VWA5B1: variants seen among roughly 807,000 people sequenced by gnomAD.
The protein encoded by VWA5B1 is von Willebrand factor A domain containing 5B1.
A neutral mutation model predicts 118.2 loss-of-function variants in VWA5B1; 115 were observed. That is an observed-to-expected ratio of 0.97 (90% confidence interval 0.84 to 1.14). The LOEUF is 1.14. Ranked by LOEUF, VWA5B1 falls within the 50% of genes most tolerant of loss-of-function variation. The pLI is 0.00. For missense variants in VWA5B1, 1,596 were observed against 1,603.8 expected, an observed-to-expected ratio of 1.00 and a Z score of 0.08; for synonymous variants, 682 against 658.4, an observed-to-expected ratio of 1.04 and a Z score of -0.55.
chr1:20,335,478 A>G (rs1361295945), intron 12 of VWA5B1, among the ~76,000 whole-genome samples: 3 of 152,198 alleles, frequency 2.0e-5, no homozygotes, highest in African/African-American at 7.2e-5. Flanking sequence ...TGACCCTTGA[A>G]CAATGTGGAG....
chr1:20,333,086 T>C, intron 12 of VWA5B1, 135 bp downstream of exon 12: 1 of 1,147,470 alleles, frequency 8.7e-7, no homozygotes, highest in Non-Finnish European at 1.2e-6. Flanking sequence ...TTTACAGTTT[T>C]CCCAGTTGTG....
At chr1:20,322,961 G>A (rs2089266988) in intron 7 of VWA5B1, 1 of 156,988 alleles carries the variant, frequency 6.4e-6, no homozygotes, top group Non-Finnish European at 1.4e-5. Context: ...TACACACTGA[G>A]TGTAAAAGCG....
At chr1:20,323,293 A>G (rs965023718) in intron 7 of VWA5B1, 63 bp from the exon 8 acceptor site, 3 of 1,323,462 alleles carry the variant, frequency 2.3e-6, no homozygotes, top group African/African-American at 3.1e-5. Flanking sequence ...GGGGACCAGC[A>G]TGAGTCCCCA....
chr1:20,330,291 C>T lies in VWA5B1; in HGVS notation c.1366C>T (p.His456Tyr). The change falls in exon 10 of 22, where the codon CAC becomes TAC. Residue 456 changes from histidine to tyrosine, a missense_variant. Coordinates refer to ENST00000289815, the MANE Select transcript of VWA5B1 (RefSeq NM_001039500.3). Reference sequence around the variant, plus strand: ...CATCAGGCAGCCAGTGCACCGAGGCCACCCGCGGCTCCTCTTCGTGATCAC... The same window carrying T: ...CATCAGGCAGCCAGTGCACCGAGGCTACCCGCGGCTCCTCTTCGTGATCAC... ...WVIRQPVHRG[H>Y]PRLLFVITDG... The T allele has an allele frequency of 6.4e-7, 1 of 1,551,784 alleles. No individual in the cohort carries two copies. The highest frequency in any genetic ancestry group is 8.7e-7 in the Non-Finnish European group (1 of 1,147,046).
intron 14 of VWA5B1, among the ~76,000 whole-genome samples, chr1:20,341,487 T>G (rs78324798): frequency 0.027 from 4,085 of 152,346 alleles, 164 homozygotes; most frequent in African/African-American, 0.092. Context: ...CTTAAATATT[T>G]GCCAATCTGC....
intron 4 of VWA5B1, among the ~76,000 whole-genome samples, chr1:20,315,257 A>T (rs1309422909): frequency 6.6e-6 from 1 of 152,152 alleles, no homozygotes; most frequent in Admixed American, 6.5e-5. Flanking sequence ...AGGGCCCCAG[A>T]GAAGAACAGA....
At chr1:20,293,044 T>C (rs1310534886) in intron 1 of VWA5B1, among the ~76,000 whole-genome samples, 3 of 152,208 alleles carry the variant, frequency 2.0e-5, no homozygotes, top group Admixed American at 2.0e-4. Context: ...GAAGGTGCTC[T>C]AGACACTGGC....
At chr1:20,294,781 G>C (rs1170935882) in intron 1 of VWA5B1, among the ~76,000 whole-genome samples, 2 of 152,074 alleles carry the variant, frequency 1.3e-5, no homozygotes, top group African/African-American at 2.4e-5. Flanking sequence ...TAGAGACGGG[G>C]TTTCTCCATG....
At position 20,314,315 on chromosome 1, in the gene VWA5B1, C is replaced by CGTT; in HGVS notation, c.293-7_293-6insGTT. The CGTT allele has an allele frequency of 3.2e-6, 5 of 1,551,558 alleles. No individual in the cohort carries two copies. The highest frequency in any genetic ancestry group is 4.4e-6 in the Non-Finnish European group (5 of 1,146,826). ...TGTACAGCCCCTGACGCCAGCCTGG[C>CGTT]ACTTAGGGAACATTCTGCAAGACGG... On this transcript the variant is annotated splice_polypyrimidine_tract_variant and splice_region_variant and intron_variant, in intron 3 of 21. Transcript: ENST00000289815.
At chr1:20,295,520 C>T (rs934473244) in intron 1 of VWA5B1, among the ~76,000 whole-genome samples, 2 of 152,312 alleles carry the variant, frequency 1.3e-5, no homozygotes, top group Admixed American at 6.5e-5. Context: ...TTTGCTAGAT[C>T]GTGCCTTGTG....
In VWA5B1 at chr1:20,330,290, C is replaced by T; in HGVS notation, c.1365C>T (p.Gly455=). ...TCATCAGGCAGCCAGTGCACCGAGGCCACCCGCGGCTCCTCTTCGTGATCA... is the reference window on the plus strand; with the variant it reads ...TCATCAGGCAGCCAGTGCACCGAGGTCACCCGCGGCTCCTCTTCGTGATCA... The part of the protein sequence containing the change: ...KWVIRQPVHR[G]HPRLLFVITD... The change falls in exon 10 of 22, where the codon GGC becomes GGT. Residue 455 remains glycine, a synonymous_variant. Coordinates refer to ENST00000289815, the MANE Select transcript of VWA5B1 (RefSeq NM_001039500.3). The T allele has an allele frequency of 1.3e-6, 2 of 1,551,778 alleles. No individual in the cohort carries two copies. Among genetic ancestry groups the T allele is most frequent in the Non-Finnish European group, 1.7e-6 (2 of 1,147,040 alleles).
intron 1 of VWA5B1, among the ~76,000 whole-genome samples, chr1:20,293,716 C>T (rs1236212243): frequency 6.6e-6 from 1 of 152,200 alleles, no homozygotes; most frequent in Admixed American, 6.5e-5. Context: ...AGTATGACTC[C>T]AGGTCACCAG....
chr1:20,297,231 A>G (rs1170451693), intron 1 of VWA5B1, among the ~76,000 whole-genome samples: 1 of 152,188 alleles, frequency 6.6e-6, no homozygotes, highest in Non-Finnish European at 1.5e-5. Flanking sequence ...GTACTAGCCA[A>G]TTAGATTAGG....
chr1:20,325,904 C>G (rs891111871), intron 8 of VWA5B1, among the ~76,000 whole-genome samples: 3 of 152,180 alleles, frequency 2.0e-5, no homozygotes, highest in Non-Finnish European at 2.9e-5. Context: ...AAAATCTAGG[C>G]TCAGGGAGGA....
intron 12 of VWA5B1, among the ~76,000 whole-genome samples, chr1:20,335,187 T>C (rs2089677793): frequency 6.6e-6 from 1 of 152,122 alleles, no homozygotes; most frequent in African/African-American, 2.4e-5. Flanking sequence ...TGGTGGCATA[T>C]GCTTGTAGTC....
chr1:20,352,742 T>C lies in VWA5B1; in HGVS notation c.3141+570T>C, dbSNP rs369255664. The stretch of plus-strand genomic sequence containing the variant: ...GAGGATGCTCAAAGGAGGAGCACAG[T>C]TTGAGCATCACTGCATACCTCTTCT... On this transcript the variant is annotated intron_variant, in intron 21 of 21. Coordinates refer to ENST00000289815, the MANE Select transcript of VWA5B1 (RefSeq NM_001039500.3). 1.1e-4 allele frequency among the ~76,000 whole-genome samples: 16 copies of C among 152,256 alleles called. 1 individual carries two copies. Among genetic ancestry groups the C allele is most frequent in the African/African-American group, 3.9e-4 (16 of 41,532 alleles).
Position 20,342,621 on chromosome 1 carries a change from C to G in VWA5B1, c.2311+12C>G, listed in dbSNP as rs943420272. ...CCCTGGAGATCTGGGTAAGTGACCA[C>G]AGGGTCCAGGACCCAACTGGGGACA... On this transcript the variant is annotated intron_variant, in intron 15 of 21. Coordinates refer to ENST00000289815, the MANE Select transcript of VWA5B1 (RefSeq NM_001039500.3). The G allele has an allele frequency of 1.5e-5, 22 of 1,471,838 alleles. No individual in the cohort carries two copies. The highest frequency in any genetic ancestry group is 2.0e-5 in the Non-Finnish European group (22 of 1,111,892). The allele number at this position is 1,471,838 out of a possible 1,614,324, so 91.2% of individuals were successfully genotyped here. A position where few individuals can be genotyped will look rare whatever the true frequency, so the allele number is the denominator to read the frequency against.
chr1:20,319,340 C>T (rs543699091), intron 6 of VWA5B1, 42 bp from the exon 7 acceptor site: 52 of 1,546,848 alleles, frequency 3.4e-5, no homozygotes, highest in South Asian at 2.5e-4. Context: ...CCTTCTCCTA[C>T]GATACCTGGC....
At chr1:20,296,352 G>T (rs1001425201) in intron 1 of VWA5B1, among the ~76,000 whole-genome samples, 7 of 152,184 alleles carry the variant, frequency 4.6e-5, no homozygotes, top group Non-Finnish European at 1.0e-4. Flanking sequence ...AAAGCCAAAG[G>T]ATTGCACGGT....
Sources: gnomAD v4.1 joint callset for allele counts (sites outside exome capture counted in the v4.1 genomes callset) on GRCh38, gnomAD v4.1.1 for gene constraint, MANE v1.5 for transcripts, NCBI Gene and HGNC (gene_info 2026-07-23, HGNC 2026-07-21) for gene names.